IBTK: variants seen among roughly 807,000 people sequenced by gnomAD.
The protein encoded by IBTK is BTK-binding protein.
Under a neutral mutation model 154.9 loss-of-function variants are expected in IBTK, and 83 were observed. The observed-to-expected ratio is 0.54, with a 90% confidence interval of 0.45 to 0.64. The LOEUF (loss-of-function observed/expected upper bound fraction) is 0.64, where lower values mean the gene tolerates loss of function less well. Among genes scored for constraint, IBTK ranks in the 30% least tolerant of loss-of-function variants. The pLI, the probability that IBTK is intolerant of heterozygous loss-of-function variation, is 0.00. For synonymous variants in IBTK, 515 were observed against 536.1 expected (o/e 0.96, Z 0.54); for missense variants, 1,332 against 1,584.6 (o/e 0.84, Z 2.71).
intron 6 of IBTK, among the ~76,000 whole-genome samples, chr6:82,225,226 C>T (rs1253116596): frequency 6.6e-6 from 1 of 152,010 alleles, no homozygotes; most frequent in Non-Finnish European, 1.5e-5. Context: ...AAGACAATCG[C>T]TTGAACCCGA....
At chr6:82,230,195 T>G (rs1312215747) in intron 4 of IBTK, among the ~76,000 whole-genome samples, 2 of 152,114 alleles carry the variant, frequency 1.3e-5, no homozygotes, top group Non-Finnish European at 2.9e-5. Flanking sequence ...ATATAAATAA[T>G]AGGTGAAAGT....
chr6:82,200,019 A>G, intron 21 of IBTK, 122 bp downstream of exon 21: 1 of 659,950 alleles, frequency 1.5e-6, no homozygotes, highest in Non-Finnish European at 2.6e-6. Flanking sequence ...GAGTACTTAC[A>G]ATAAACTATC....
chr6:82,190,994 G>A, intron 25 of IBTK, 79 bp downstream of exon 25: 1 of 993,486 alleles, frequency 1.0e-6, no homozygotes, highest in Non-Finnish European at 1.4e-6. Context: ...CTGGAAGTGG[G>A]AAGGAACTCC....
At chr6:82,224,690 C>G (rs1770230264) in intron 6 of IBTK, among the ~76,000 whole-genome samples, 1 of 152,116 alleles carries the variant, frequency 6.6e-6, no homozygotes, top group Non-Finnish European at 1.5e-5. Context: ...GTTTTTGGAC[C>G]CATGTCCCCT....
Position 82,220,720 on chromosome 6 carries a change from G to GAAA in IBTK, c.1125-10_1125-8dup, listed in dbSNP as rs34032511. 5.0e-5 allele frequency: 63 copies of GAAA among 1,259,306 alleles called. No individual in the cohort carries two copies. The highest frequency in any genetic ancestry group is 2.4e-4 in the South Asian group (15 of 62,916). The allele number at this position is 1,259,306 out of a possible 1,614,324, so 78.0% of individuals were successfully genotyped here. Reference sequence around the variant, plus strand: ...TTTTTTCAAGTTCAACTGTCTAGATGAAAAAAAAAAAAATCCTAGATTAAT... The same window carrying GAAA: ...TTTTTTCAAGTTCAACTGTCTAGATGAAAAAAAAAAAAAAAATCCTAGATTAAT... On this transcript the variant is annotated splice_region_variant and splice_polypyrimidine_tract_variant and intron_variant, in intron 8 of 28. Transcript: ENST00000306270.
intron 1 of IBTK, among the ~76,000 whole-genome samples, chr6:82,245,798 C>T (rs1771121115): frequency 6.6e-6 from 1 of 151,792 alleles, no homozygotes; most frequent in African/African-American, 2.4e-5. Context: ...AATCCAAAGA[C>T]ATACTTAGGA....
chr6:82,194,704 C>G, intron 22 of IBTK, 62 bp from the exon 23 acceptor site: 1 of 1,096,084 alleles, frequency 9.1e-7, no homozygotes, highest in Non-Finnish European at 1.2e-6. Flanking sequence ...TAACACATAG[C>G]TGGTACTTAA....
intron 3 of IBTK, among the ~76,000 whole-genome samples, chr6:82,233,720 T>G (rs184363671): frequency 5.4e-5 from 8 of 148,506 alleles, no homozygotes; most frequent in African/African-American, 1.2e-4. Flanking sequence ...AGTTTTTTTT[T>G]TTTTTTTTTT....
chr6:82,209,084 GT>G (rs1290000196), intron 16 of IBTK, among the ~76,000 whole-genome samples: 1 of 152,162 alleles, frequency 6.6e-6, no homozygotes, highest in East Asian at 1.9e-4. Context: ...GTTGATATTA[GT>G]AAGTGCTTGC....
chr6:82,208,187 A>C (rs4706942), intron 16 of IBTK, among the ~76,000 whole-genome samples: 36,019 of 150,998 alleles, frequency 0.24, 4,365 homozygotes, highest in African/African-American at 0.28. Context: ...TGTGGTAATT[A>C]TCTCTCTCTA....
At chr6:82,231,684 C>G in intron 4 of IBTK, 34 bp downstream of exon 4, 1 of 1,518,422 alleles carries the variant, frequency 6.6e-7, no homozygotes, top group Non-Finnish European at 8.9e-7. Flanking sequence ...TCTTTCTCAT[C>G]TCTAAAAGTA....
chr6:82,245,163 TGGTCAAGATA>T lies in IBTK; in HGVS notation c.-358+2389_-358+2398del, dbSNP rs531849905. Among the ~76,000 whole-genome samples, 13 of 152,236 alleles carry T rather than the reference TGGTCAAGATA, an allele frequency of 8.5e-5. No homozygotes were observed. The East Asian group carries it at 1.5e-3, about 18-fold the overall frequency. ...AAAACATATCATAATTATAAACCTA[TGGTCAAGATA>T]AAACAAGTGACACATAGGAACGGGG... On this transcript the variant is annotated intron_variant, in intron 1 of 28. Coordinates refer to ENST00000306270, the MANE Select transcript of IBTK (RefSeq NM_015525.4).
intron 26 of IBTK, among the ~76,000 whole-genome samples, chr6:82,179,136 T>C (rs755591939): frequency 6.6e-6 from 1 of 152,302 alleles, no homozygotes; most frequent in South Asian, 2.1e-4. Flanking sequence ...GTGATAGCAC[T>C]GGAGATAAAA....
intron 25 of IBTK, among the ~76,000 whole-genome samples, chr6:82,184,094 G>T (rs1471538199): frequency 6.6e-6 from 1 of 152,216 alleles, no homozygotes; most frequent in Non-Finnish European, 1.5e-5. Context: ...CTGGCATAAG[G>T]ATTGACAAAC....
intron 11 of IBTK, among the ~76,000 whole-genome samples, chr6:82,215,780 CAAAA>C: frequency 1.2e-5 from 1 of 82,092 alleles, no homozygotes; most frequent in African/African-American, 5.0e-5. Context: ...GACTCCATCT[CAAAA>C]AAAAAAAAAA....
At chr6:82,212,598 G>C (rs1488132597) in intron 13 of IBTK, 109 bp downstream of exon 13, 2 of 703,424 alleles carry the variant, frequency 2.8e-6, no homozygotes, top group Non-Finnish European at 2.6e-6. Flanking sequence ...AAAGGTAAGA[G>C]GGTATCTACC....
chr6:82,207,728 AAG>A (rs1475927506), intron 16 of IBTK, among the ~76,000 whole-genome samples: 1 of 152,198 alleles, frequency 6.6e-6, no homozygotes, highest in Non-Finnish European at 1.5e-5. Flanking sequence ...TACTGGCATA[AAG>A]AGAGTTCAGT....
Position 82,210,873 on chromosome 6 carries a change from G to A in IBTK, c.2450C>T (p.Ser817Phe). 1 of 1,576,466 alleles carries A rather than the reference G, an allele frequency of 6.3e-7. No individual in the cohort carries two copies. ...SCAALEMPIH[S>F]DILKVILDYL... ...GTCCAAAATAACTTTTAATATATCA[G>A]AATGTATTGGCATTTCCAGAGCTGC... Residue 817 changes from serine to phenylalanine, a missense_variant, in exon 16 of 29, where the codon TCT (serine) becomes TTT (phenylalanine). By Grantham distance (155) the Ser-to-Phe change is radical. Coordinates refer to ENST00000306270, the MANE Select transcript of IBTK (RefSeq NM_015525.4).
At chr6:82,219,177 A>G (rs1769980941) in intron 9 of IBTK, among the ~76,000 whole-genome samples, 1 of 151,744 alleles carries the variant, frequency 6.6e-6, no homozygotes, top group Non-Finnish European at 1.5e-5. Flanking sequence ...GGTTTGTTAC[A>G]TAGGTAAACG....
Sources: allele counts gnomAD v4.1 joint callset (sites outside exome capture counted in the v4.1 genomes callset), GRCh38; gene constraint gnomAD v4.1.1; transcripts MANE v1.5; gene names NCBI Gene and HGNC (gene_info 2026-07-23, HGNC 2026-07-21).